SPAG16: variants seen among roughly 807,000 people sequenced by gnomAD.
SPAG16 encodes the protein sperm associated antigen 16, also known as sperm-associated antigen 16 protein.
SPAG16 carries 86 observed loss-of-function variants against 80.4 expected under a neutral mutation model. The observed-to-expected ratio is 1.07, with a 90% CI of 0.90 to 1.28. The LOEUF (loss-of-function observed/expected upper bound fraction) is 1.28. Among genes scored for constraint, SPAG16 ranks in the 50% most tolerant of loss-of-function variants. The pLI, the probability that SPAG16 is intolerant of heterozygous loss-of-function variation, is 0.00. For missense variants in SPAG16, 870 were observed against 765.3 expected, an observed-to-expected ratio of 1.14 and a Z score of -1.61; for synonymous variants, 294 against 265.9, an observed-to-expected ratio of 1.11 and a Z score of -1.03.
At chr2:214,304,876 C>T (rs1352879412) in intron 15 of SPAG16, among the ~76,000 whole-genome samples, 1 of 152,058 alleles carries the variant, frequency 6.6e-6, no homozygotes, top group Non-Finnish European at 1.5e-5. Context: ...ATTTCTGTTC[C>T]TTTGGGTATA....
intron 15 of SPAG16, among the ~76,000 whole-genome samples, chr2:214,347,556 C>G (rs1276938314): frequency 2.0e-5 from 3 of 152,102 alleles, no homozygotes; most frequent in Admixed American, 1.3e-4. Flanking sequence ...TCATAGATCA[C>G]CTCAGTTAAA....
intron 15 of SPAG16, among the ~76,000 whole-genome samples, chr2:214,280,006 C>T (rs1433893747): frequency 6.6e-6 from 1 of 152,172 alleles, no homozygotes; most frequent in Admixed American, 6.5e-5. Flanking sequence ...GCACTATATG[C>T]TGACATTACT....
intron 12 of SPAG16, among the ~76,000 whole-genome samples, chr2:213,934,444 C>T (rs1230407641): frequency 6.6e-6 from 1 of 152,112 alleles, no homozygotes; most frequent in South Asian, 2.1e-4. Flanking sequence ...GTGAGACATG[C>T]AGTAACTGAA....
chr2:213,706,556 T>C (rs2065759315), intron 10 of SPAG16, among the ~76,000 whole-genome samples: 1 of 152,212 alleles, frequency 6.6e-6, no homozygotes, highest in African/African-American at 2.4e-5. Flanking sequence ...ACTGAAATTG[T>C]CTCCTTAGCT....
intron 10 of SPAG16, among the ~76,000 whole-genome samples, chr2:213,516,268 TAAGTAA>T (rs1267498748): frequency 6.6e-6 from 1 of 152,216 alleles, no homozygotes; most frequent in African/African-American, 2.4e-5. Flanking sequence ...TGTGTGTATT[TAAGTAA>T]TGGCATAATA....
intron 10 of SPAG16, among the ~76,000 whole-genome samples, chr2:213,549,977 C>G (rs528020672): frequency 6.6e-6 from 1 of 151,914 alleles, no homozygotes; most frequent in African/African-American, 2.4e-5. Flanking sequence ...AAATTTTAAA[C>G]CTTATTATGC....
intron 6 of SPAG16, among the ~76,000 whole-genome samples, chr2:213,343,391 T>C (rs559771729): frequency 1.7e-4 from 26 of 152,276 alleles, no homozygotes; most frequent in African/African-American, 6.0e-4. Flanking sequence ...ATTAACTGTC[T>C]GTCAGAAAAT....
chr2:214,309,662 G>T (rs1406978297), intron 15 of SPAG16, among the ~76,000 whole-genome samples: 1 of 152,058 alleles, frequency 6.6e-6, no homozygotes, highest in Non-Finnish European at 1.5e-5. Context: ...ATTTTAGGGG[G>T]CCAACACTCA....
intron 13 of SPAG16, among the ~76,000 whole-genome samples, chr2:214,015,033 C>A (rs998503966): frequency 6.6e-6 from 1 of 152,116 alleles, no homozygotes; most frequent in East Asian, 1.9e-4. Context: ...GGAGTCATGA[C>A]TATTTATGAA....
At chr2:213,594,642 G>T (rs1360757541) in intron 10 of SPAG16, among the ~76,000 whole-genome samples, 1 of 152,114 alleles carries the variant, frequency 6.6e-6, no homozygotes, top group Non-Finnish European at 1.5e-5. Context: ...ACTCCTGTGG[G>T]TTCCCAGTAA....
intron 8 of SPAG16, among the ~76,000 whole-genome samples, chr2:213,374,331 C>A (rs892743934): frequency 6.6e-6 from 1 of 151,878 alleles, no homozygotes; most frequent in Non-Finnish European, 1.5e-5. Flanking sequence ...TAATTTGTAA[C>A]GTTTAGTTGT....
At chr2:213,515,428 A>G (rs139491952) in intron 10 of SPAG16, among the ~76,000 whole-genome samples, 1 of 152,276 alleles carries the variant, frequency 6.6e-6, no homozygotes, top group African/African-American at 2.4e-5. Context: ...TAGCTAGTCT[A>G]TTGCCCTGTT....
At chr2:213,311,376 G>A (rs1394168308) in intron 4 of SPAG16, among the ~76,000 whole-genome samples, 2 of 151,706 alleles carry the variant, frequency 1.3e-5, no homozygotes, top group African/African-American at 4.8e-5. Flanking sequence ...AACAATGTGT[G>A]TTAGGACATG....
At chr2:214,217,878 G>A (rs2058470742) in intron 15 of SPAG16, among the ~76,000 whole-genome samples, 1 of 152,130 alleles carries the variant, frequency 6.6e-6, no homozygotes, top group African/African-American at 2.4e-5. Flanking sequence ...AGCTGCTTCT[G>A]GGGCAGTGGG....
At chr2:213,490,363 G>A (rs1428895622) in intron 10 of SPAG16, among the ~76,000 whole-genome samples, 1 of 152,020 alleles carries the variant, frequency 6.6e-6, no homozygotes, top group Non-Finnish European at 1.5e-5. Context: ...GAAGTTTCTA[G>A]GATTACTTTA....
intron 15 of SPAG16, among the ~76,000 whole-genome samples, chr2:214,344,970 T>C (rs1439622313): frequency 1.3e-5 from 2 of 152,198 alleles, no homozygotes; most frequent in Non-Finnish European, 2.9e-5. Context: ...CTCAGATATA[T>C]ATTTATTCAT....
chr2:213,654,736 A>T (rs550289051), intron 10 of SPAG16, among the ~76,000 whole-genome samples: 2 of 151,892 alleles, frequency 1.3e-5, no homozygotes, highest in African/African-American at 2.4e-5. Flanking sequence ...AATAAAGAAG[A>T]AGTTTCAATG....
chr2:214,302,141 A>C (rs1576723456), intron 15 of SPAG16, among the ~76,000 whole-genome samples: 1 of 152,262 alleles, frequency 6.6e-6, no homozygotes, highest in East Asian at 1.9e-4. Context: ...TGTTCCCAGA[A>C]GATACTTGAT....
rs376546053 is a variant in SPAG16, at chr2:214,196,708, A to G, written c.1720+47442A>G. Among the ~76,000 whole-genome samples the G allele has an allele frequency of 2.2e-4, 34 of 152,158 alleles. No individual in the cohort carries two copies. The South Asian group carries it at 6.8e-3, about 31-fold the overall frequency. On this transcript the variant is annotated intron_variant, in intron 15 of 15. Coordinates refer to ENST00000331683, the MANE Select transcript of SPAG16 (RefSeq NM_024532.5). ...TTGAATTTTAAAACATGCATCATAT[A>G]CAAACTAGGAAAATTTCTTAATTTA...
Sources: allele counts gnomAD v4.1 joint callset (sites outside exome capture counted in the v4.1 genomes callset), GRCh38; gene constraint gnomAD v4.1.1; transcripts MANE v1.5; gene names NCBI Gene and HGNC (gene_info 2026-07-23, HGNC 2026-07-21).